Variants in PLXNC1 observed in about 807,000 individuals in gnomAD.
The protein encoded by PLXNC1 is plexin-C1.
PLXNC1 carries 75 observed loss-of-function variants against 178.2 expected under a neutral mutation model. The ratio of observed to expected loss-of-function variants is 0.42; its 90% confidence interval spans 0.35 to 0.51. The LOEUF (loss-of-function observed/expected upper bound fraction) is 0.51, where lower values mean the gene tolerates loss of function less well. Among genes scored for constraint, PLXNC1 ranks in the 20% least tolerant of loss-of-function variants. PLXNC1 has a pLI of 0.02. For missense variants in PLXNC1, 1,503 were observed against 1,984.4 expected (o/e 0.76, Z 4.61); for synonymous variants, 790 against 779.9 (o/e 1.01, Z -0.22).
rs532658877 is a variant in PLXNC1 at position 94,215,286 on chromosome 12, T to C, written c.1555-4730T>C. Among the ~76,000 whole-genome samples the C allele has an allele frequency of 4.6e-5, 7 of 152,168 alleles. No homozygotes were observed. The South Asian group carries it at 1.0e-3, about 23-fold the overall frequency. ...AATAAAAACAAAAATACACCAAGTATTTTCTTAGAATATATGGAAAACATC... is the reference window on the plus strand; with the variant it reads ...AATAAAAACAAAAATACACCAAGTACTTTCTTAGAATATATGGAAAACATC... On this transcript the variant is annotated intron_variant, in intron 5 of 30. Coordinates refer to ENST00000258526, the MANE Select transcript of PLXNC1 (RefSeq NM_005761.3).
intron 26 of PLXNC1, 60 bp downstream of exon 26, chr12:94,297,483 C>T (rs1003494140): frequency 3.5e-6 from 4 of 1,159,088 alleles, no homozygotes; most frequent in African/African-American, 3.1e-5. Context: ...ATATGTTTGA[C>T]TTAATTTCCA....
intron 23 of PLXNC1, among the ~76,000 whole-genome samples, chr12:94,293,003 G>A (rs753906269): frequency 3.3e-5 from 5 of 152,066 alleles, no homozygotes; most frequent in African/African-American, 7.2e-5. Context: ...AATCACTACC[G>A]CTGCTCTCTT....
chr12:94,208,775 G>A (rs146570112), intron 4 of PLXNC1, among the ~76,000 whole-genome samples: 97 of 152,344 alleles, frequency 6.4e-4, no homozygotes, highest in African/African-American at 2.3e-3. Context: ...CTTCTTGCCA[G>A]GTTGGTGCCC....
chr12:94,166,595 C>T (rs1397871815), intron 1 of PLXNC1, among the ~76,000 whole-genome samples: 1 of 150,868 alleles, frequency 6.6e-6, no homozygotes, highest in African/African-American at 2.4e-5. Flanking sequence ...TTTGTAACCA[C>T]CCTGCCAATC....
In PLXNC1 at chr12:94,303,799, C is replaced by A; in HGVS notation, c.4430C>A (p.Thr1477Asn). The stretch of plus-strand genomic sequence containing the variant: ...CTTCTCTATGCCAAGGATATCCCAA[C>A]CTACAAAGAAGAAGTAAAATCTTAT... ...NKLLYAKDIP[T>N]YKEEVKSYYK... Residue 1477 changes from threonine (T) to asparagine (N), a missense_variant, in exon 29 of 31, where the codon ACC becomes AAC. Transcript: ENST00000258526. The A allele has an allele frequency of 6.3e-7, 1 of 1,592,288 alleles. No individual in the cohort carries two copies. Among genetic ancestry groups the A allele is most frequent in the African/African-American group, 1.4e-5 (1 of 73,378 alleles).
rs1555192721 is a variant in PLXNC1, at chr12:94,149,702, T to C, written c.731T>C (p.Ile244Thr). The change falls in exon 1 of 31, where the codon ATC becomes ACC. Residue 244 changes from isoleucine (I) to threonine (T), a missense_variant. Ile to Thr is a moderately conservative substitution (Grantham distance 89). Transcript: ENST00000258526. The stretch of plus-strand genomic sequence containing the variant: ...GACGCCTTTCTCTGGAACGGCAGCA[T>C]CTACTTCCCCTACTACCCCTACAAC... The part of the protein sequence containing the change: ...FVDAFLWNGS[I>T]YFPYYPYNYT... 6.2e-7 allele frequency: 1 copy of C among 1,612,188 alleles called. No individual in the cohort carries two copies. Among genetic ancestry groups the C allele is most frequent in the Non-Finnish European group, 8.5e-7 (1 of 1,179,366 alleles).
intron 1 of PLXNC1, among the ~76,000 whole-genome samples, chr12:94,159,503 A>G (rs1961298278): frequency 6.6e-6 from 1 of 152,052 alleles, no homozygotes; most frequent in East Asian, 1.9e-4. Flanking sequence ...GGGCATGTGC[A>G]AGAACTCAAA....
At chr12:94,165,057 G>A (rs1427829497) in intron 1 of PLXNC1, among the ~76,000 whole-genome samples, 1 of 152,162 alleles carries the variant, frequency 6.6e-6, no homozygotes, top group Non-Finnish European at 1.5e-5. Context: ...AGCAGAGGCT[G>A]GGATTCAGAA....
intron 23 of PLXNC1, among the ~76,000 whole-genome samples, chr12:94,290,620 T>C (rs1239144705): frequency 1.3e-5 from 2 of 152,242 alleles, no homozygotes; most frequent in African/African-American, 2.4e-5. Flanking sequence ...TCTTGAGGGC[T>C]GGCTCTTGCT....
chr12:94,163,373 A>G (rs1457613930), intron 1 of PLXNC1, among the ~76,000 whole-genome samples: 1 of 152,100 alleles, frequency 6.6e-6, no homozygotes, highest in Non-Finnish European at 1.5e-5. Context: ...AATAATAATA[A>G]AAAAAAGAAT....
intron 11 of PLXNC1, among the ~76,000 whole-genome samples, chr12:94,242,100 GT>G (rs1447973582): frequency 6.6e-6 from 1 of 151,992 alleles, no homozygotes; most frequent in Non-Finnish European, 1.5e-5. Flanking sequence ...GGCTATATTA[GT>G]TTGCTAGGGT....
chr12:94,274,817 C>T (rs1965817361), intron 21 of PLXNC1, among the ~76,000 whole-genome samples: 1 of 152,330 alleles, frequency 6.6e-6, no homozygotes, highest in East Asian at 1.9e-4. Context: ...TATTTAACCT[C>T]TCTGTGCCTC....
At chr12:94,199,025 T>C (rs570854010) in intron 4 of PLXNC1, among the ~76,000 whole-genome samples, 5 of 151,722 alleles carry the variant, frequency 3.3e-5, no homozygotes, top group Non-Finnish European at 4.4e-5. Context: ...TGTCACAGAG[T>C]AAACAGGGCT....
In PLXNC1 at chr12:94,149,135, A is replaced by C. The variant is rs550040725; in HGVS notation, c.164A>C (p.Asp55Ala). The change falls in exon 1 of 31, where the codon GAC becomes GCC. Residue 55 changes from aspartate (D) to alanine (A), a missense_variant. This residue lies in a region of PLXNC1 where 176 missense variants were observed against 180.7 expected (regional missense o/e 0.97). Transcript: ENST00000258526. ...GGAGCCATCGCGGCGAGCCAGGAGG[A>C]CGGCGTGTTTGTGGCGAGCGGCAGC... Reference protein sequence around the residue: ...AIGAIAASQEDGVFVASGSCL... With the variant: ...AIGAIAASQEAGVFVASGSCL... The C allele has an allele frequency of 1.3e-5, 20 of 1,589,394 alleles. No homozygotes were observed. The African/African-American group carries it at 2.4e-4, about 19-fold the overall frequency.
At chr12:94,172,443 C>A (rs571906846) in intron 2 of PLXNC1, among the ~76,000 whole-genome samples, 1 of 152,226 alleles carries the variant, frequency 6.6e-6, no homozygotes, top group East Asian at 1.9e-4. Flanking sequence ...TAATTTGGTG[C>A]AATTTTAAGC....
intron 2 of PLXNC1, among the ~76,000 whole-genome samples, chr12:94,177,854 A>C (rs1962160228): frequency 1.3e-5 from 2 of 152,186 alleles, no homozygotes; most frequent in African/African-American, 4.8e-5. Flanking sequence ...TTACTTTGTT[A>C]TTTTAAAGCA....
intron 4 of PLXNC1, among the ~76,000 whole-genome samples, chr12:94,193,038 T>C (rs917400251): frequency 2.6e-5 from 4 of 152,056 alleles, no homozygotes; most frequent in Non-Finnish European, 1.5e-5. Context: ...GGATATCTAA[T>C]CTGAACCTGA....
At chr12:94,160,776 T>C (rs1446092403) in intron 1 of PLXNC1, among the ~76,000 whole-genome samples, 7 of 152,296 alleles carry the variant, frequency 4.6e-5, no homozygotes, top group African/African-American at 1.7e-4. Flanking sequence ...ATGCATGAAA[T>C]GAAAACATTG....
chr12:94,224,003 G>A (rs1963868356), intron 6 of PLXNC1, among the ~76,000 whole-genome samples: 1 of 152,190 alleles, frequency 6.6e-6, no homozygotes, highest in African/African-American at 2.4e-5. Context: ...TGGAACTCGA[G>A]GTGGGTTCAG....
Sources: allele counts gnomAD v4.1 joint callset (sites outside exome capture counted in the v4.1 genomes callset), GRCh38; gene constraint gnomAD v4.1.1; regional missense constraint gnomAD v4.1.1; transcripts MANE v1.5; gene names NCBI Gene and HGNC (gene_info 2026-07-23, HGNC 2026-07-21).